The following SLC44A5 variants were observed in gnomAD, a reference collection of about 807,000 sequenced individuals.
The protein encoded by SLC44A5 is choline transporter-like protein 5.
A neutral mutation model predicts 101.8 loss-of-function variants in SLC44A5; 57 were observed. The observed-to-expected ratio is 0.56, with a 90% CI of 0.45 to 0.70. SLC44A5 has a LOEUF of 0.70. SLC44A5 is among the 30% of genes least tolerant of loss of function. SLC44A5 has a pLI of 0.00. For missense variants in SLC44A5, 737 were observed against 853.1 expected (o/e 0.86, Z 1.70); for synonymous variants, 281 against 290.9 (o/e 0.97, Z 0.35).
intron 1 of SLC44A5, among the ~76,000 whole-genome samples, chr1:75,576,304 A>G (rs1323517227): frequency 2.0e-5 from 3 of 151,722 alleles, no homozygotes; most frequent in African/African-American, 7.3e-5. Flanking sequence ...GGTTTTATAA[A>G]TGTTCCTTTT....
At position 75,454,190 on chromosome 1, in the gene SLC44A5, T is replaced by C. The variant is rs77547693; in HGVS notation, c.14-57569A>G. ...ATGAATCCAGCATCACATTAAAAAA[T>C]GTAATTCTCCATGATCAAGTGGGCT... On this transcript the variant is annotated intron_variant, in intron 2 of 23. Coordinates refer to ENST00000370859, the MANE Select transcript of SLC44A5 (RefSeq NM_001130058.2). Among the ~76,000 whole-genome samples, 250 of 152,006 alleles carry C rather than the reference T, an allele frequency of 1.6e-3. 2 individuals carry two copies. Among genetic ancestry groups the C allele is most frequent in the Admixed American group, 2.8e-3 (43 of 15,260 alleles).
At chr1:75,707,873 T>G in the SLC44A5 span, among the ~76,000 whole-genome samples, 1 of 152,052 alleles carries the variant, frequency 6.6e-6, no homozygotes, top group Non-Finnish European at 1.5e-5. Context: ...ACATGCAAAT[T>G]AAAATGTTAC....
At chr1:75,520,433 C>T (rs1670053016) in intron 2 of SLC44A5, among the ~76,000 whole-genome samples, 1 of 152,130 alleles carries the variant, frequency 6.6e-6, no homozygotes, top group Non-Finnish European at 1.5e-5. Flanking sequence ...TGTTCTTTGA[C>T]AATTATGCAT....
At chr1:75,341,343 G>A (rs1048576439) in intron 3 of SLC44A5, among the ~76,000 whole-genome samples, 3 of 152,100 alleles carry the variant, frequency 2.0e-5, no homozygotes, top group Non-Finnish European at 2.9e-5. Context: ...TTAGCTGGGC[G>A]TGATGGTGCA....
chr1:75,517,863 G>A (rs184283900), intron 2 of SLC44A5, among the ~76,000 whole-genome samples: 4 of 152,284 alleles, frequency 2.6e-5, no homozygotes, highest in Admixed American at 2.6e-4. Flanking sequence ...TAGTTAGAAA[G>A]TGCTTTGGAG....
chr1:75,614,964 G>T (rs918959589), upstream of SLC44A5, among the ~76,000 whole-genome samples: 1 of 152,074 alleles, frequency 6.6e-6, no homozygotes, highest in African/African-American at 2.4e-5. Flanking sequence ...TGCGGGAGCG[G>T]GTGGCTTGCA....
intron 3 of SLC44A5, among the ~76,000 whole-genome samples, chr1:75,342,240 A>T (rs1657938723): frequency 6.6e-6 from 1 of 152,162 alleles, no homozygotes; most frequent in Non-Finnish European, 1.5e-5. Flanking sequence ...TATAAAATTT[A>T]TTCTTATTTG....
chr1:75,349,529 A>C (rs1658489526), intron 3 of SLC44A5, among the ~76,000 whole-genome samples: 1 of 152,198 alleles, frequency 6.6e-6, no homozygotes, highest in African/African-American at 2.4e-5. Flanking sequence ...GTTCAAAAGA[A>C]AGGGTGAAAT....
chr1:75,625,810 T>C, the SLC44A5 span, among the ~76,000 whole-genome samples: 4 of 152,140 alleles, frequency 2.6e-5, no homozygotes, highest in Admixed American at 2.6e-4. Flanking sequence ...AGCCTTCCAA[T>C]GTAAGAAACC....
intron 1 of SLC44A5, among the ~76,000 whole-genome samples, chr1:75,598,437 G>C (rs1674780755): frequency 6.6e-6 from 1 of 152,038 alleles, no homozygotes; most frequent in Non-Finnish European, 1.5e-5. Context: ...TAAACCCAAA[G>C]GAATATAAAT....
chr1:75,617,218 C>T, the SLC44A5 span, among the ~76,000 whole-genome samples: 1 of 152,202 alleles, frequency 6.6e-6, no homozygotes, highest in Admixed American at 6.5e-5. Flanking sequence ...AAACGCACTT[C>T]CTAATTCGCA....
At chr1:75,276,450 T>C (rs909962289) in intron 5 of SLC44A5, among the ~76,000 whole-genome samples, 2 of 151,902 alleles carry the variant, frequency 1.3e-5, no homozygotes, top group Non-Finnish European at 2.9e-5. Context: ...TGCCTTATTC[T>C]TTTTTTTGTA....
At chr1:75,631,397 G>C in the SLC44A5 span, among the ~76,000 whole-genome samples, 1 of 151,844 alleles carries the variant, frequency 6.6e-6, no homozygotes, top group African/African-American at 2.4e-5. Flanking sequence ...TTTGGAGACA[G>C]GGTCTCACTC....
chr1:75,330,915 T>C (rs1657000897), intron 4 of SLC44A5, among the ~76,000 whole-genome samples: 2 of 152,100 alleles, frequency 1.3e-5, no homozygotes, highest in Non-Finnish European at 2.9e-5. Flanking sequence ...TGGGCCACTT[T>C]AAAAACCACA....
intron 11 of SLC44A5, among the ~76,000 whole-genome samples, chr1:75,235,529 C>G (rs898098886): frequency 6.6e-5 from 10 of 151,916 alleles, no homozygotes; most frequent in African/African-American, 2.4e-4. Flanking sequence ...AATTTAAATA[C>G]TGTCGAGAAT....
chr1:75,237,906 C>T (rs1648247846), intron 10 of SLC44A5, among the ~76,000 whole-genome samples: 1 of 150,850 alleles, frequency 6.6e-6, no homozygotes, highest in Non-Finnish European at 1.5e-5. Context: ...CTGAGCAATG[C>T]AGCGATATGC....
the SLC44A5 span, among the ~76,000 whole-genome samples, chr1:75,668,852 G>C: frequency 6.6e-6 from 1 of 151,240 alleles, no homozygotes; most frequent in Non-Finnish European, 1.5e-5. Context: ...AAAACTAGCT[G>C]GGTGTGGTAC....
At chr1:75,528,151 C>G (rs75145782) in intron 2 of SLC44A5, among the ~76,000 whole-genome samples, 3,400 of 152,192 alleles carry the variant, frequency 0.022, 137 homozygotes, top group African/African-American at 0.078. Flanking sequence ...TTCTACTGCT[C>G]TTTCCAGGAA....
intron 3 of SLC44A5, among the ~76,000 whole-genome samples, chr1:75,356,129 C>G (rs1370470559): frequency 7.0e-6 from 1 of 142,820 alleles, no homozygotes; most frequent in African/African-American, 2.5e-5. Flanking sequence ...ATGAGAATTG[C>G]TTGAACTCAG....
Sources: allele counts gnomAD v4.1 joint callset (sites outside exome capture counted in the v4.1 genomes callset), GRCh38; gene constraint gnomAD v4.1.1; transcripts MANE v1.5; gene names NCBI Gene and HGNC (gene_info 2026-07-23, HGNC 2026-07-21).